FASN: variants seen among roughly 807,000 people sequenced by gnomAD.
The protein encoded by FASN is fatty acid synthase.
A neutral mutation model predicts 250.0 loss-of-function variants in FASN; 50 were observed. The ratio of observed to expected loss-of-function variants is 0.20; its 90% CI spans 0.16 to 0.25. The LOEUF is 0.25. FASN is among the 10% of genes least tolerant of loss of function. The pLI is 1.00. For synonymous variants in FASN, 1,909 were observed against 1,584.0 expected (o/e 1.21, Z -4.87); for missense variants, 3,031 against 3,498.5 (o/e 0.87, Z 3.37).
chr17:82,082,434 C>T lies in FASN; in HGVS notation c.5920-20G>A, dbSNP rs774658548. 1 of 1,612,374 alleles carries T rather than the reference C, an allele frequency of 6.2e-7. No individual in the cohort carries two copies. Among genetic ancestry groups the T allele is most frequent in the South Asian group, 1.1e-5 (1 of 91,068 alleles). ...CAAGACCTGGGGGAGGCATCCTCAG[C>T]ACTCCCTGCAGCTCCAGGGCCTCAC... is the stretch of plus-strand genomic sequence containing the variant. On this transcript the variant is annotated intron_variant, in intron 34 of 42. Transcript: ENST00000306749.
chr17:82,082,886 T>C, intron 33 of FASN, 28 bp downstream of exon 33: 1 of 1,611,362 alleles, frequency 6.2e-7, no homozygotes, highest in Non-Finnish European at 8.5e-7. Flanking sequence ...TGGCCCAGGC[T>C]GGTCCACAAG....
chr17:82,093,836 C>T, intron 3 of FASN, 65 bp from the exon 4 acceptor site: 1 of 1,494,476 alleles, frequency 6.7e-7, no homozygotes, highest in Non-Finnish European at 9.0e-7. Context: ...CACCCACCCA[C>T]CCGGCTCTGG....
In FASN at chr17:82,079,100, G is replaced by A; in HGVS notation, c.*43C>T. 1 of 1,577,160 alleles carries A rather than the reference G, an allele frequency of 6.3e-7. No individual in the cohort carries two copies. The highest frequency in any genetic ancestry group is 1.1e-5 in the South Asian group (1 of 88,670). ...TGGCGGGGGTGGGGTGGGGTGGGGT[G>A]GGGATGGTGGAGTGACCTCCGGTGG... On this transcript the variant is annotated 3_prime_UTR_variant, in exon 43 of 43. Transcript: ENST00000306749.
In FASN at chr17:82,081,220, C is replaced by T. The variant is rs755594667; in HGVS notation, c.6539G>A (p.Arg2180Gln). ...CTGCAGTTTCCGGAGCGTGAGTTGC[C>T]GCACCTCGCGCACGGACAGCACCAG... is the stretch of plus-strand genomic sequence containing the variant. ...LNLVLSVREV[R>Q]QLTLRKLQEL... is the part of the protein sequence containing the mutation. The change falls in exon 38 of 43, where the codon CGG becomes CAG. Residue 2180 changes from arginine (R) to glutamine (Q), a missense_variant. Coordinates refer to ENST00000306749, the MANE Select transcript of FASN (RefSeq NM_004104.5). 112 of 1,591,418 alleles carry T rather than the reference C, an allele frequency of 7.0e-5. No individual in the cohort carries two copies. The highest frequency in any genetic ancestry group is 1.1e-4 in the African/African-American group (8 of 74,694).
rs761663091 is a variant in FASN at position 82,082,593 on chromosome 17, C to T, written c.5853G>A (p.Gly1951=). ...CCGCCTCGGCAATGAGGCCCCGGGCCCCCTCCAGTGAGCTGATGTTGCTGG... is the reference window on the plus strand; with the variant it reads ...CCGCCTCGGCAATGAGGCCCCGGGCTCCCTCCAGTGAGCTGATGTTGCTGG... The part of the protein sequence containing the change: ...VSTSNISSLE[G]ARGLIAEAAQ... Residue 1951 remains glycine, a synonymous_variant, in exon 34 of 43, where the codon GGG becomes GGA. Coordinates refer to ENST00000306749, the MANE Select transcript of FASN (RefSeq NM_004104.5). 29 of 1,610,228 alleles carry T rather than the reference C, an allele frequency of 1.8e-5. No individual in the cohort carries two copies. The highest frequency in any genetic ancestry group is 2.3e-5 in the Non-Finnish European group (27 of 1,179,890).
In FASN at chr17:82,090,902, C is replaced by T. The variant is rs1406965969; in HGVS notation, c.1660G>A (p.Val554Met). The change falls in exon 10 of 43, where the codon GTG becomes ATG. Residue 554 changes from valine to methionine, a missense_variant. Coordinates refer to ENST00000306749, the MANE Select transcript of FASN (RefSeq NM_004104.5). ...CCTACCTGGATGGCAGTCAGGCTCA[C>T]AAACGAATGGACGATGTCATCAAAG... is the stretch of plus-strand genomic sequence containing the variant. ...STFDDIVHSF[V>M]SLTAIQIGLI... 1 of 1,599,336 alleles carries T rather than the reference C, an allele frequency of 6.3e-7. No individual in the cohort carries two copies. The highest frequency in any genetic ancestry group is 8.5e-7 in the Non-Finnish European group (1 of 1,173,806).
In FASN at chr17:82,083,323, T is replaced by C. The variant is rs1396501692; in HGVS notation, c.5444A>G (p.Gln1815Arg). The C allele has an allele frequency of 6.2e-7, 1 of 1,612,584 alleles. No individual in the cohort carries two copies. The highest frequency in any genetic ancestry group is 8.5e-7 in the Non-Finnish European group (1 of 1,179,990). ...ADWREVWALV[Q>R]AGIRDGVVRP... ...TACCACCCCATCCCGGATGCCGGCC[T>C]GCACAAGCGCCCACACCTCCCGCCA... Residue 1815 changes from glutamine to arginine, a missense_variant, in exon 32 of 43, where the codon CAG (glutamine) becomes CGG (arginine). By Grantham distance (43) the Gln-to-Arg change is conservative. Transcript: ENST00000306749.
In FASN at chr17:82,090,437, G is replaced by A. The variant is rs1421967138; in HGVS notation, c.1808C>T (p.Ala603Val). 2 of 1,603,914 alleles carry A rather than the reference G, an allele frequency of 1.2e-6. No individual in the cohort carries two copies. Among genetic ancestry groups the A allele is most frequent in the Non-Finnish European group, 1.7e-6 (2 of 1,176,316 alleles). ...TTTGATGCACTGTCCCCTCCAGTAGGCAGCGAGGACGGCCTCCTCCTGGGA... is the reference window on the plus strand; with the variant it reads ...TTTGATGCACTGTCCCCTCCAGTAGACAGCGAGGACGGCCTCCTCCTGGGA... Reference protein sequence around the residue: ...CLSQEEAVLAAYWRGQCIKEA... With the variant: ...CLSQEEAVLAVYWRGQCIKEA... The change falls in exon 11 of 43, where the codon GCC becomes GTC. Residue 603 changes from alanine to valine, a missense_variant. Transcript: ENST00000306749.
chr17:82,091,409 C>G lies in FASN; in HGVS notation c.1305G>C (p.Gln435His). The change falls in exon 9 of 43, where the codon CAG becomes CAC. Residue 435 changes from glutamine to histidine, a missense_variant. Physicochemically the swap from Gln to His is conservative, Grantham distance 24. Transcript: ENST00000306749. The stretch of plus-strand genomic sequence containing the variant: ...GCCGGAGGCCCTGCTCCAGCAGCTT[C>G]TGCACGGCCTCAGGGGTGCGTCCGC... ...RASGRTPEAV[Q>H]KLLEQGLRHS... is the part of the protein sequence containing the mutation. 6.2e-7 allele frequency: 1 copy of G among 1,610,046 alleles called. No individual in the cohort carries two copies. Among genetic ancestry groups the G allele is most frequent in the Non-Finnish European group, 8.5e-7 (1 of 1,178,884 alleles).
rs780238932 is a variant in FASN, at chr17:82,090,514, G to A, written c.1731C>T (p.Ile577=). The A allele has an allele frequency of 1.9e-5, 31 of 1,611,644 alleles. No individual in the cohort carries two copies. The East Asian group carries it at 3.8e-4, about 20-fold the overall frequency. ...LSCMGLRPDG[I]VGHSLGEVAC... ...CCACCTCCCCCAGGGAGTGGCCGAC[G>A]ATGCCATCTGGCCTCAGCCCCATGC... Residue 577 remains isoleucine (I), a synonymous_variant, in exon 11 of 43, where the codon ATC becomes ATT. Coordinates refer to ENST00000306749, the MANE Select transcript of FASN (RefSeq NM_004104.5).
At position 82,080,524 on chromosome 17, in the gene FASN, G is replaced by T; in HGVS notation, c.6893C>A (p.Pro2298His). 1 of 1,561,380 alleles carries T rather than the reference G, an allele frequency of 6.4e-7. No individual in the cohort carries two copies. Residue 2298 changes from proline (P) to histidine (H), a missense_variant, in exon 40 of 43, where the codon CCC becomes CAC. Coordinates refer to ENST00000306749, the MANE Select transcript of FASN (RefSeq NM_004104.5). ...GCCGGCCACGCGGTAGGGGCCCTCGGGCTGCACCTGCCTGATGCAGTCGAT... is the reference window on the plus strand; with the variant it reads ...GCCGGCCACGCGGTAGGGGCCCTCGTGCTGCACCTGCCTGATGCAGTCGAT... ...YYIDCIRQVQPEGPYRVAGYS... is the reference protein window; with the variant it reads ...YYIDCIRQVQHEGPYRVAGYS...
rs17848930 is a variant in FASN at position 82,089,086 on chromosome 17, C to T, written c.2187G>A (p.Thr729=). ...TGTTGACATTGTACTCGGCGGAGGA[C>T]GTGCGTGCCAGGCTGCTGTGCCACT... ...EAQWHSSLAR[T]SSAEYNVNNL... The change falls in exon 14 of 43, where the codon ACG becomes ACA. Residue 729 remains threonine (T), a synonymous_variant. Transcript: ENST00000306749. 5,004 of 1,578,226 alleles carry T rather than the reference C, an allele frequency of 3.2e-3. 139 individuals are homozygous for T. The African/African-American group carries it at 0.057, about 18-fold the overall frequency.
rs1470937526 is a variant in FASN, at chr17:82,089,843, C to T, written c.1871-117G>A. On this transcript the variant is annotated intron_variant, in intron 11 of 42. Transcript: ENST00000306749. ...TAATGACAAGTGTGGTAATGGCAGC[C>T]TTGGAGCCTTCATGAGAAAGGTTCG... The T allele has an allele frequency of 5.6e-6, 5 of 900,332 alleles. No individual in the cohort carries two copies. In the Admixed American group the frequency reaches 8.0e-5, roughly 14 times the overall value. 55.8% of individuals were successfully genotyped at this position (900,332 alleles called of 1,614,324 possible). A position where few individuals can be genotyped will look rare whatever the true frequency, so the allele number is the denominator to read the frequency against.
In FASN at chr17:82,083,398, G is replaced by A; in HGVS notation, c.5369C>T (p.Thr1790Ile). 6.2e-7 allele frequency: 1 copy of A among 1,612,804 alleles called. No homozygotes were observed. The highest frequency in any genetic ancestry group is 8.5e-7 in the Non-Finnish European group (1 of 1,180,006). The change falls in exon 32 of 43, where the codon ACA becomes ATA. Residue 1790 changes from threonine (T) to isoleucine (I), a missense_variant. Physicochemically the swap from Thr to Ile is moderately conservative, Grantham distance 89. Transcript: ENST00000306749. ...CGCATCCAGTAGGACCCCGTGGAATGTCACGTTCTTCAGGAAGATAGCCAT... is the reference window on the plus strand; with the variant it reads ...CGCATCCAGTAGGACCCCGTGGAATATCACGTTCTTCAGGAAGATAGCCAT... Reference protein sequence around the residue: ...LGMAIFLKNVTFHGVLLDAFF... With the variant: ...LGMAIFLKNVIFHGVLLDAFF...
chr17:82,089,556 G>A (rs999597629), intron 12 of FASN, 76 bp downstream of exon 12: 12 of 1,539,050 alleles, frequency 7.8e-6, no homozygotes, highest in Non-Finnish European at 1.1e-5. Flanking sequence ...GGCGTAGACC[G>A]TGGCCGCGTG....
intron 32 of FASN, 43 bp downstream of exon 32, chr17:82,083,159 C>G: frequency 6.2e-7 from 1 of 1,611,080 alleles, no homozygotes; most frequent in South Asian, 1.1e-5. Flanking sequence ...TGCCTGGGGA[C>G]CAGAGCCTGG....
intron 11 of FASN, 118 bp downstream of exon 11, chr17:82,090,257 G>A (rs568191900): frequency 2.3e-5 from 23 of 1,018,680 alleles, no homozygotes; most frequent in African/African-American, 3.2e-5. Flanking sequence ...GGGTGTCCCC[G>A]GGCCAGCGGG....
At chr17:82,085,951 C>G in intron 22 of FASN, 80 bp from the exon 23 acceptor site, 1 of 1,429,306 alleles carries the variant, frequency 7.0e-7, no homozygotes, top group Non-Finnish European at 9.2e-7. Flanking sequence ...GTCCATGAGG[C>G]CTCAGTCTGG....
At chr17:82,089,513 G>A in intron 12 of FASN, 119 bp downstream of exon 12, 1 of 1,557,490 alleles carries the variant, frequency 6.4e-7, no homozygotes, top group Non-Finnish European at 8.7e-7. Flanking sequence ...GGACAAACCT[G>A]CCCCATGCCC....
Sources: gnomAD v4.1 joint callset for allele counts on GRCh38, gnomAD v4.1.1 for gene constraint, MANE v1.5 for transcripts, NCBI Gene and HGNC (gene_info 2026-07-23, HGNC 2026-07-21) for gene names.